Variants in SYCE3 observed in about 807,000 individuals in gnomAD.
SYCE3 encodes the protein testis highly expressed gene 2 protein.
Under a neutral mutation model 8.1 loss-of-function variants are expected in SYCE3, and 3 were observed. The ratio of observed to expected loss-of-function variants is 0.37; its 90% CI spans 0.17 to 0.96. The LOEUF (loss-of-function observed/expected upper bound fraction) is 0.96. Among genes scored for constraint, SYCE3 ranks in the 40% least tolerant of loss-of-function variants. SYCE3 has a pLI of 0.41. For synonymous variants in SYCE3, 36 were observed against 38.7 expected (o/e 0.93, Z 0.26); for missense variants, 83 against 110.0 (o/e 0.75, Z 1.10).
At chr22:50,559,767 A>C (rs949367460) in intron 1 of SYCE3, among the ~76,000 whole-genome samples, 4 of 152,056 alleles carry the variant, frequency 2.6e-5, no homozygotes, top group African/African-American at 9.7e-5. Flanking sequence ...ATCTCTACTA[A>C]AAATACAAAA....
chr22:50,560,088 G>A (rs1018700521), intron 1 of SYCE3, among the ~76,000 whole-genome samples: 4 of 152,152 alleles, frequency 2.6e-5, no homozygotes, highest in African/African-American at 9.7e-5. Flanking sequence ...AAACTGGTGA[G>A]TTTTACTTCA....
intron 2 of SYCE3, among the ~76,000 whole-genome samples, chr22:50,552,381 G>C (rs975152918): frequency 2.0e-5 from 3 of 152,152 alleles, no homozygotes; most frequent in Admixed American, 6.6e-5. Context: ...GGCCGGGTGC[G>C]GTGGCTCACG....
chr22:50,554,852 G>A (rs986059754), intron 2 of SYCE3, among the ~76,000 whole-genome samples: 1 of 152,114 alleles, frequency 6.6e-6, no homozygotes, highest in Non-Finnish European at 1.5e-5. Context: ...GCCAGGCGCG[G>A]TGGTTTACGC....
rs1242838108 is a variant in SYCE3, at chr22:50,551,175, A to G, written c.*70T>C. 3 of 1,524,246 alleles carry G rather than the reference A, an allele frequency of 2.0e-6. No homozygotes were observed. The highest frequency in any genetic ancestry group is 2.7e-6 in the Non-Finnish European group (3 of 1,128,462). 94.4% of individuals were successfully genotyped at this position (1,524,246 alleles called of 1,614,324 possible). Reference sequence around the variant, plus strand: ...GCATACAGCTATTCATGTGGGTGCCAGCTCCATCCCCCAGTGACCTCTTCA... The same window carrying G: ...GCATACAGCTATTCATGTGGGTGCCGGCTCCATCCCCCAGTGACCTCTTCA... On this transcript the variant is annotated 3_prime_UTR_variant, in exon 3 of 3. Transcript: ENST00000406915.
intron 1 of SYCE3, among the ~76,000 whole-genome samples, chr22:50,560,993 G>T (rs1312516999): frequency 6.6e-6 from 1 of 152,142 alleles, no homozygotes; most frequent in Non-Finnish European, 1.5e-5. Flanking sequence ...AAAGCTGCAT[G>T]CCTCCCTAGG....
chr22:50,552,434 C>T (rs1488851117), intron 2 of SYCE3, among the ~76,000 whole-genome samples: 1 of 152,108 alleles, frequency 6.6e-6, no homozygotes, highest in East Asian at 1.9e-4. Flanking sequence ...GGGTAGATCA[C>T]GAGATCAAGA....
At chr22:50,560,534 A>G (rs991319561) in intron 1 of SYCE3, among the ~76,000 whole-genome samples, 1 of 147,554 alleles carries the variant, frequency 6.8e-6, no homozygotes, top group African/African-American at 2.5e-5. Context: ...ACGTTTCAGG[A>G]GAGCCATAAA....
intron 1 of SYCE3, among the ~76,000 whole-genome samples, chr22:50,561,466 C>T (rs888780495): frequency 2.1e-5 from 3 of 144,528 alleles, no homozygotes; most frequent in Non-Finnish European, 4.5e-5. Context: ...GGCCTGAGCC[C>T]GCACCAAAGC....
At chr22:50,555,169 T>C (rs1569032808) in intron 2 of SYCE3, among the ~76,000 whole-genome samples, 1 of 94,732 alleles carries the variant, frequency 1.1e-5, no homozygotes, top group Non-Finnish European at 2.2e-5. Flanking sequence ...CTGACCACCT[T>C]GGGCACATGT....
At chr22:50,558,683 G>A (rs2069884307) in intron 1 of SYCE3, among the ~76,000 whole-genome samples, 1 of 152,216 alleles carries the variant, frequency 6.6e-6, no homozygotes, top group South Asian at 2.1e-4. Flanking sequence ...CTAAGAGTAA[G>A]TGGGGAGGTA....
rs1409969533 is a variant in SYCE3 at position 50,556,279 on chromosome 22, T to TG, written c.109+17dup. The stretch of plus-strand genomic sequence containing the variant: ...GATTGAGACCTGTCTCAGATACTTT[T>TG]GGGTTCACACATCCTACCTGAGATT... On this transcript the variant is annotated intron_variant, in intron 2 of 2. Transcript: ENST00000406915. 1 of 1,510,378 alleles carries TG rather than the reference T, an allele frequency of 6.6e-7. No homozygotes were observed. The highest frequency in any genetic ancestry group is 9.0e-7 in the Non-Finnish European group (1 of 1,110,370). 93.6% of individuals were successfully genotyped at this position (1,510,378 alleles called of 1,614,324 possible). A position where few individuals can be genotyped will look rare whatever the true frequency, so the allele number is the denominator to read the frequency against.
intron 1 of SYCE3, among the ~76,000 whole-genome samples, chr22:50,559,753 C>T (rs1238461593): frequency 6.6e-6 from 1 of 152,022 alleles, no homozygotes; most frequent in African/African-American, 2.4e-5. Flanking sequence ...TATGGCAAAA[C>T]CCCATCTCTA....
chr22:50,554,087 C>A (rs949060839), intron 2 of SYCE3, among the ~76,000 whole-genome samples: 4 of 150,682 alleles, frequency 2.7e-5, no homozygotes, highest in African/African-American at 9.8e-5. Flanking sequence ...CCCAGCTACT[C>A]GGGAGGCTGA....
At chr22:50,556,620 T>C (rs2069862512) in intron 1 of SYCE3, among the ~76,000 whole-genome samples, 1 of 152,224 alleles carries the variant, frequency 6.6e-6, no homozygotes, top group East Asian at 1.9e-4. Context: ...GTCCTTCCCC[T>C]TTCTTCCATC....
intron 1 of SYCE3, among the ~76,000 whole-genome samples, chr22:50,558,373 G>C (rs985123385): frequency 6.6e-6 from 1 of 152,040 alleles, no homozygotes; most frequent in African/African-American, 2.4e-5. Flanking sequence ...GGAGGTTGCA[G>C]TGAGCCGAGA....
At chr22:50,558,906 C>G (rs1372741633) in intron 1 of SYCE3, among the ~76,000 whole-genome samples, 1 of 152,202 alleles carries the variant, frequency 6.6e-6, no homozygotes, top group South Asian at 2.1e-4. Context: ...CTGGCACACC[C>G]AGGGCACTTT....
intron 2 of SYCE3, among the ~76,000 whole-genome samples, chr22:50,553,994 C>T (rs1403755706): frequency 6.6e-6 from 1 of 151,500 alleles, no homozygotes; most frequent in Non-Finnish European, 1.5e-5. Flanking sequence ...GAGATTGAGA[C>T]CATCCTGGCT....
Position 50,551,345 on chromosome 22 carries a change from G to C in SYCE3, c.167C>G (p.Ala56Gly). ...MVVMRTNPTL[A>G]ESMRRLEDAF... ...ATCCTCCAGCCGACGCATGGACTCG[G>C]CCAGCGTAGGGTTGGTGCGCATCAC... Residue 56 changes from alanine (A) to glycine (G), a missense_variant, in exon 3 of 3, where the codon GCC (alanine) becomes GGC (glycine). Coordinates refer to ENST00000406915, the MANE Select transcript of SYCE3 (RefSeq NM_001123225.3). 1 of 1,551,184 alleles carries C rather than the reference G, an allele frequency of 6.4e-7. No individual in the cohort carries two copies. The highest frequency in any genetic ancestry group is 8.7e-7 in the Non-Finnish European group (1 of 1,146,962).
intron 1 of SYCE3, among the ~76,000 whole-genome samples, chr22:50,558,735 A>T (rs73443392): frequency 7.8e-4 from 118 of 152,226 alleles, no homozygotes; most frequent in African/African-American, 2.7e-3. Context: ...GGGTGATGGG[A>T]GGAAGAAATG....
Sources: allele counts gnomAD v4.1 joint callset (sites outside exome capture counted in the v4.1 genomes callset), GRCh38; gene constraint gnomAD v4.1.1; transcripts MANE v1.5; gene names NCBI Gene and HGNC (gene_info 2026-07-23, HGNC 2026-07-21).